LMX1A: variants seen among roughly 807,000 people sequenced by gnomAD.
The protein encoded by LMX1A is LIM homeobox transcription factor 1-alpha.
Under a neutral mutation model 49.1 loss-of-function variants are expected in LMX1A, and 15 were observed. That is an observed-to-expected ratio of 0.31 (90% CI 0.20 to 0.47). The LOEUF (loss-of-function observed/expected upper bound fraction) is 0.47, where lower values mean the gene tolerates loss of function less well. LMX1A is among the 20% of genes least tolerant of loss of function. The probability of loss-of-function intolerance (pLI) is 1.00; values close to 1 mark genes in which losing one functional copy is unlikely to be tolerated. For missense variants in LMX1A, 372 were observed against 475.8 expected (o/e 0.78, Z 2.03); for synonymous variants, 167 against 185.7 (o/e 0.90, Z 0.82).
intron 3 of LMX1A, among the ~76,000 whole-genome samples, chr1:165,326,795 A>G (rs143631553): frequency 6.6e-6 from 1 of 152,266 alleles, no homozygotes; most frequent in African/African-American, 2.4e-5. Context: ...TTGTATCACT[A>G]TGCCCCTGTG....
At chr1:165,239,970 A>C (rs1198758318) in intron 4 of LMX1A, among the ~76,000 whole-genome samples, 1 of 152,228 alleles carries the variant, frequency 6.6e-6, no homozygotes, top group Non-Finnish European at 1.5e-5. Flanking sequence ...ACGTGGGAAT[A>C]GGTTTGCAAG....
intron 3 of LMX1A, among the ~76,000 whole-genome samples, chr1:165,275,905 G>C (rs149252372): frequency 6.7e-6 from 1 of 150,112 alleles, no homozygotes; most frequent in Non-Finnish European, 1.5e-5. Context: ...CTCCCTGTGA[G>C]TTTGAACACC....
intron 2 of LMX1A, among the ~76,000 whole-genome samples, chr1:165,354,998 C>T (rs1656557281): frequency 6.6e-6 from 1 of 152,116 alleles, no homozygotes; most frequent in Non-Finnish European, 1.5e-5. Context: ...CCCCGCGCTG[C>T]GTTGCCTACT....
chr1:165,207,244 T>C (rs975886744), intron 7 of LMX1A, among the ~76,000 whole-genome samples: 1 of 152,236 alleles, frequency 6.6e-6, no homozygotes, highest in Admixed American at 6.5e-5. Context: ...GAATTCTGGA[T>C]AGCTGAGTTG....
Position 165,274,244 on chromosome 1 carries a change from G to C in LMX1A, c.264-24604C>G, listed in dbSNP as rs376081907. On this transcript the variant is annotated intron_variant, in intron 3 of 8. Coordinates refer to ENST00000342310, the MANE Select transcript of LMX1A (RefSeq NM_177398.4). ...ATCCATTGCCAATACCTCTACACAC[G>C]TATGTATTTGCACTTTAATCTTTGT... is the stretch of plus-strand genomic sequence containing the variant. Among the ~76,000 whole-genome samples the C allele has an allele frequency of 7.9e-5, 12 of 152,206 alleles. No homozygotes were observed. In the South Asian group the frequency reaches 2.1e-3, roughly 26 times the overall value.
chr1:165,353,547 C>T (rs1397347965), intron 2 of LMX1A, among the ~76,000 whole-genome samples: 14 of 152,156 alleles, frequency 9.2e-5, no homozygotes. Context: ...TGCTCGCAAA[C>T]GTCTGCACAT....
intron 3 of LMX1A, among the ~76,000 whole-genome samples, chr1:165,351,600 TC>T (rs1156457936): frequency 2.0e-5 from 3 of 152,334 alleles, no homozygotes; most frequent in East Asian, 1.9e-4. Context: ...AGCACACGTT[TC>T]TTTTAGTTCT....
chr1:165,234,934 T>A (rs996266617), intron 4 of LMX1A, among the ~76,000 whole-genome samples: 1 of 152,188 alleles, frequency 6.6e-6, no homozygotes. Flanking sequence ...ACCAGTCCTG[T>A]TGAACAGCAA....
chr1:165,336,876 A>G (rs1655913567), intron 3 of LMX1A, among the ~76,000 whole-genome samples: 1 of 152,242 alleles, frequency 6.6e-6, no homozygotes, highest in Non-Finnish European at 1.5e-5. Flanking sequence ...TTTAAATACT[A>G]AAGAAATAAA....
At chr1:165,275,887 T>C (rs866720964) in intron 3 of LMX1A, among the ~76,000 whole-genome samples, 22 of 93,690 alleles carry the variant, frequency 2.3e-4, no homozygotes, top group African/African-American at 7.5e-4. Context: ...GTGTGTGTGT[T>C]TGTCTTCCTC....
At chr1:165,272,030 G>A (rs898598901) in intron 3 of LMX1A, among the ~76,000 whole-genome samples, 2 of 151,796 alleles carry the variant, frequency 1.3e-5, no homozygotes, top group East Asian at 1.9e-4. Flanking sequence ...TTTAAGTTTC[G>A]GGGTACATGT....
intron 4 of LMX1A, among the ~76,000 whole-genome samples, chr1:165,237,676 G>A (rs1217234706): frequency 1.3e-5 from 2 of 152,184 alleles, no homozygotes; most frequent in Non-Finnish European, 2.9e-5. Context: ...AAATTACCCA[G>A]TTTCGAATAT....
At chr1:165,270,003 T>C (rs1653748466) in intron 3 of LMX1A, among the ~76,000 whole-genome samples, 1 of 152,038 alleles carries the variant, frequency 6.6e-6, no homozygotes. Context: ...CACGTTTACT[T>C]ATGTAACAAA....
chr1:165,302,449 AT>A (rs1388044815), intron 3 of LMX1A, among the ~76,000 whole-genome samples: 1 of 152,164 alleles, frequency 6.6e-6, no homozygotes, highest in Non-Finnish European at 1.5e-5. Flanking sequence ...ATCAAAAAAA[AT>A]AAAATAAAAT....
chr1:165,207,170 C>T (rs1225517209), intron 7 of LMX1A, among the ~76,000 whole-genome samples: 1 of 152,150 alleles, frequency 6.6e-6, no homozygotes, highest in Non-Finnish European at 1.5e-5. Context: ...TTACCAAAAT[C>T]GCAGGTGACT....
intron 3 of LMX1A, among the ~76,000 whole-genome samples, chr1:165,288,041 T>TAC (rs1654345863): frequency 6.6e-6 from 1 of 152,214 alleles, no homozygotes; most frequent in Non-Finnish European, 1.5e-5. Context: ...CAAATCCAGA[T>TAC]GAGGGGGTTT....
At chr1:165,347,403 C>T (rs1042371355) in intron 3 of LMX1A, among the ~76,000 whole-genome samples, 2 of 152,190 alleles carry the variant, frequency 1.3e-5, no homozygotes, top group African/African-American at 4.8e-5. Flanking sequence ...AGGGCTGAGT[C>T]CTCCCACATA....
chr1:165,297,783 C>T (rs1448230053), intron 3 of LMX1A, among the ~76,000 whole-genome samples: 1 of 152,184 alleles, frequency 6.6e-6, no homozygotes, highest in East Asian at 1.9e-4. Flanking sequence ...CTCTACTGAG[C>T]CACTGCCAAG....
chr1:165,326,208 G>A lies in LMX1A; in HGVS notation c.263+26868C>T, dbSNP rs149646059. On this transcript the variant is annotated intron_variant, in intron 3 of 8. Coordinates refer to ENST00000342310, the MANE Select transcript of LMX1A (RefSeq NM_177398.4). ...TAGAGACGGGGAGGAGGGGAAGGGG[G>A]GTAGATGAGATAGGGGAGAAGATAT... is the stretch of plus-strand genomic sequence containing the variant. Among the ~76,000 whole-genome samples, 3 of 152,292 alleles carry A rather than the reference G, an allele frequency of 2.0e-5. No individual in the cohort carries two copies. In the East Asian group the frequency reaches 5.8e-4, roughly 29 times the overall value.
Sources: allele counts gnomAD v4.1 joint callset (sites outside exome capture counted in the v4.1 genomes callset), GRCh38; gene constraint gnomAD v4.1.1; transcripts MANE v1.5; gene names NCBI Gene and HGNC (gene_info 2026-07-23, HGNC 2026-07-21).